The following GALNTL6 variants were observed in gnomAD, a reference collection of about 807,000 sequenced individuals.
GALNTL6 encodes polypeptide N-acetylgalactosaminyltransferase-like 6.
GALNTL6 carries 46 observed loss-of-function variants against 73.7 expected under a neutral mutation model. The observed-to-expected ratio is 0.62, with a 90% CI of 0.49 to 0.80. The LOEUF is 0.80. Among genes scored for constraint, GALNTL6 ranks in the 30% least tolerant of loss-of-function variants. The pLI is 0.00. For synonymous variants in GALNTL6, 259 were observed against 263.7 expected (o/e 0.98, Z 0.17); for missense variants, 604 against 755.0 (o/e 0.80, Z 2.34).
chr4:173,009,300 T>G lies in GALNTL6; in HGVS notation c.1488+6T>G, dbSNP rs778969576. ...GAACATGGTCTCATGAACAGGTGAG[T>G]CACCTCCCAGAAGCCAGGGCAGTGG... On this transcript the variant is annotated splice_donor_region_variant and intron_variant, in intron 11 of 12. Transcript: ENST00000506823. 3.8e-6 allele frequency: 6 copies of G among 1,578,598 alleles called. No individual in the cohort carries two copies. In the South Asian group the frequency reaches 4.4e-5, roughly 12 times the overall value.
intron 7 of GALNTL6, among the ~76,000 whole-genome samples, chr4:172,830,688 T>C (rs528899924): frequency 1.3e-5 from 2 of 152,318 alleles, no homozygotes; most frequent in African/African-American, 2.4e-5. Flanking sequence ...GTAGATTGAT[T>C]GAGAAAATCT....
intron 2 of GALNTL6, among the ~76,000 whole-genome samples, chr4:172,195,445 T>C (rs1735731590): frequency 2.0e-5 from 3 of 152,160 alleles, no homozygotes; most frequent in African/African-American, 4.8e-5. Flanking sequence ...CTGATAGATA[T>C]CTACAGAACT....
At chr4:172,306,979 A>G (rs1238251808) in intron 3 of GALNTL6, among the ~76,000 whole-genome samples, 1 of 152,176 alleles carries the variant, frequency 6.6e-6, no homozygotes, top group Non-Finnish European at 1.5e-5. Flanking sequence ...GTGGATACCC[A>G]GTAGAGGGCT....
intron 2 of GALNTL6, among the ~76,000 whole-genome samples, chr4:171,983,516 G>T (rs892202427): frequency 1.3e-5 from 2 of 150,028 alleles, no homozygotes; most frequent in African/African-American, 4.9e-5. Context: ...TTGAGACGGG[G>T]TCTCTCATTC....
At chr4:172,149,504 A>G (rs1734013140) in intron 2 of GALNTL6, among the ~76,000 whole-genome samples, 1 of 151,940 alleles carries the variant, frequency 6.6e-6, no homozygotes, top group Non-Finnish European at 1.5e-5. Context: ...TTGCACTCAC[A>G]ATCCACTCCA....
At chr4:172,852,251 C>G (rs1213094232) in intron 7 of GALNTL6, among the ~76,000 whole-genome samples, 1 of 152,096 alleles carries the variant, frequency 6.6e-6, no homozygotes, top group Non-Finnish European at 1.5e-5. Flanking sequence ...CAGGGGCAGC[C>G]TTATTTGAGG....
intron 2 of GALNTL6, among the ~76,000 whole-genome samples, chr4:172,201,749 G>A (rs1735964439): frequency 6.6e-6 from 1 of 152,142 alleles, no homozygotes; most frequent in Non-Finnish European, 1.5e-5. Context: ...GGCAATTACA[G>A]CAAAAGAAAA....
intron 2 of GALNTL6, among the ~76,000 whole-genome samples, chr4:172,184,730 G>A (rs1735363813): frequency 2.0e-5 from 3 of 152,108 alleles, no homozygotes; most frequent in Non-Finnish European, 4.4e-5. Flanking sequence ...GTGCTGTAGA[G>A]TGGATAATTT....
At chr4:172,930,028 A>G (rs1156658973) in intron 8 of GALNTL6, among the ~76,000 whole-genome samples, 2 of 152,148 alleles carry the variant, frequency 1.3e-5, no homozygotes, top group Admixed American at 6.5e-5. Flanking sequence ...TGTAATCCCA[A>G]CACTTTAGGA....
At chr4:171,818,517 A>ACCTTC (rs59454735) in intron 2 of GALNTL6, among the ~76,000 whole-genome samples, 1 of 149,856 alleles carries the variant, frequency 6.7e-6, no homozygotes, top group Non-Finnish European at 1.5e-5. Flanking sequence ...TTTAAAACAG[A>ACCTTC]TCAGAACTGT....
intron 5 of GALNTL6, among the ~76,000 whole-genome samples, chr4:172,552,868 G>A (rs1172702877): frequency 1.5e-4 from 9 of 61,400 alleles, no homozygotes; most frequent in East Asian, 1.2e-3. Context: ...GGTAAAAACC[G>A]CAATTACTTT....
intron 2 of GALNTL6, among the ~76,000 whole-genome samples, chr4:172,015,591 C>T (rs1741165423): frequency 6.6e-6 from 1 of 151,952 alleles, no homozygotes; most frequent in African/African-American, 2.4e-5. Flanking sequence ...AATCATGTTA[C>T]TTGTTGCCTA....
At chr4:172,703,806 G>C (rs1734171208) in intron 5 of GALNTL6, among the ~76,000 whole-genome samples, 1 of 151,946 alleles carries the variant, frequency 6.6e-6, no homozygotes, top group South Asian at 2.1e-4. Flanking sequence ...GAATTCAGCA[G>C]TGAAGCCATT....
intron 5 of GALNTL6, among the ~76,000 whole-genome samples, chr4:172,698,642 GC>G (rs1268810254): frequency 6.6e-6 from 1 of 152,146 alleles, no homozygotes; most frequent in Non-Finnish European, 1.5e-5. Flanking sequence ...AGCTCACTGT[GC>G]CACTCAAACT....
chr4:172,011,666 C>T (rs1270476107), intron 2 of GALNTL6, among the ~76,000 whole-genome samples: 1 of 151,918 alleles, frequency 6.6e-6, no homozygotes, highest in Non-Finnish European at 1.5e-5. Context: ...CCTTAAACCT[C>T]TAGTTACAGA....
chr4:172,142,935 T>C (rs1733838551), intron 2 of GALNTL6, among the ~76,000 whole-genome samples: 1 of 152,002 alleles, frequency 6.6e-6, no homozygotes, highest in African/African-American at 2.4e-5. Context: ...GAGACAACTG[T>C]TTTTATAAAT....
At chr4:172,949,502 CTTTAT>C (rs1345171707) in intron 9 of GALNTL6, among the ~76,000 whole-genome samples, 1 of 152,172 alleles carries the variant, frequency 6.6e-6, no homozygotes, top group African/African-American at 2.4e-5. Context: ...AGTATTTCCA[CTTTAT>C]TTAATATTGC....
intron 2 of GALNTL6, among the ~76,000 whole-genome samples, chr4:171,936,820 C>A (rs1738363094): frequency 6.6e-6 from 1 of 151,974 alleles, no homozygotes; most frequent in Non-Finnish European, 1.5e-5. Context: ...AAAACATATT[C>A]AAATGAAGAA....
intron 2 of GALNTL6, among the ~76,000 whole-genome samples, chr4:171,848,827 T>C (rs1197024877): frequency 4.6e-5 from 7 of 152,248 alleles, no homozygotes; most frequent in Admixed American, 4.6e-4. Flanking sequence ...TCCAAAGCAC[T>C]AAAACTTTCT....
Sources: allele counts gnomAD v4.1 joint callset (sites outside exome capture counted in the v4.1 genomes callset), GRCh38; gene constraint gnomAD v4.1.1; transcripts MANE v1.5; gene names NCBI Gene and HGNC (gene_info 2026-07-23, HGNC 2026-07-21).